Variants in PEAK1 observed in about 807,000 individuals in gnomAD.
PEAK1 encodes the protein inactive tyrosine-protein kinase PEAK1.
In PEAK1, 54 loss-of-function variants were observed where a neutral mutation model predicts 124.7. The ratio of observed to expected loss-of-function variants is 0.43; its 90% confidence interval spans 0.35 to 0.54. The LOEUF (loss-of-function observed/expected upper bound fraction) is 0.54, where lower values mean the gene tolerates loss of function less well. Ranked by LOEUF, PEAK1 falls within the 20% of genes least tolerant of loss-of-function variation. PEAK1 has a pLI of 0.01. For missense variants in PEAK1, 2,046 were observed against 2,134.5 expected, an observed-to-expected ratio of 0.96 and a Z score of 0.82; for synonymous variants, 719 against 760.0, an observed-to-expected ratio of 0.95 and a Z score of 0.89.
chr15:77,318,706 GAATA>G (rs1437682307), intron 2 of PEAK1, among the ~76,000 whole-genome samples: 2 of 151,552 alleles, frequency 1.3e-5, no homozygotes, highest in African/African-American at 2.4e-5. Context: ...TTATTAATTA[GAATA>G]AATACCTATT....
chr15:77,142,853 G>A (rs1482759956), intron 8 of PEAK1, among the ~76,000 whole-genome samples: 1 of 152,152 alleles, frequency 6.6e-6, no homozygotes, highest in Non-Finnish European at 1.5e-5. Flanking sequence ...GACAGTGACT[G>A]CTAATGGGTT....
chr15:77,118,969 G>A (rs2051644812), intron 9 of PEAK1, among the ~76,000 whole-genome samples: 1 of 82,262 alleles, frequency 1.2e-5, no homozygotes, highest in African/African-American at 3.3e-5. Flanking sequence ...CTGAGCCACA[G>A]TGACACTAGA....
chr15:77,327,650 ATTG>A (rs1381536798), intron 2 of PEAK1, among the ~76,000 whole-genome samples: 19 of 152,168 alleles, frequency 1.2e-4, no homozygotes, highest in Admixed American at 2.0e-4. Flanking sequence ...GTTATAGATC[ATTG>A]TTGTTGTTGT....
At chr15:77,118,154 C>T (rs1254098534) in intron 9 of PEAK1, among the ~76,000 whole-genome samples, 1 of 152,116 alleles carries the variant, frequency 6.6e-6, no homozygotes, top group Non-Finnish European at 1.5e-5. Flanking sequence ...AATAATGAGT[C>T]ACTCTAGCTT....
chr15:77,157,493 T>G (rs963405975), intron 8 of PEAK1: 11 of 152,248 alleles, frequency 7.2e-5, no homozygotes, highest in Non-Finnish European at 1.3e-4. Context: ...CGAGTGAAGA[T>G]GATCAGAGAA....
chr15:77,251,239 G>A (rs1422239186), intron 6 of PEAK1, among the ~76,000 whole-genome samples: 3 of 152,102 alleles, frequency 2.0e-5, no homozygotes, highest in Admixed American at 6.5e-5. Flanking sequence ...TCTGGTCTAG[G>A]ACTAAGAGGA....
intron 1 of PEAK1, among the ~76,000 whole-genome samples, chr15:77,381,967 T>C (rs2069520621): frequency 6.6e-6 from 1 of 152,242 alleles, no homozygotes; most frequent in Admixed American, 6.5e-5. Context: ...GTCAGGGTTC[T>C]AAGATAACCT....
At chr15:77,225,058 T>C (rs1040036355) in intron 6 of PEAK1, among the ~76,000 whole-genome samples, 2 of 152,034 alleles carry the variant, frequency 1.3e-5, no homozygotes, top group Non-Finnish European at 2.9e-5. Flanking sequence ...GCTCCCTATT[T>C]TTCAGCATAT....
chr15:77,219,826 T>G (rs2059306560), intron 6 of PEAK1, among the ~76,000 whole-genome samples: 1 of 152,178 alleles, frequency 6.6e-6, no homozygotes, highest in African/African-American at 2.4e-5. Context: ...CAAAACACAC[T>G]TTTTAACTAA....
chr15:77,196,092 C>A (rs1003314255), intron 6 of PEAK1, among the ~76,000 whole-genome samples: 2 of 152,192 alleles, frequency 1.3e-5, no homozygotes, highest in African/African-American at 2.4e-5. Flanking sequence ...AAGAGAAGAT[C>A]TTACAGACTC....
chr15:77,352,428 G>C, intron 2 of PEAK1: 1 of 985,214 alleles, frequency 1.0e-6, no homozygotes, highest in Non-Finnish European at 1.2e-6. Flanking sequence ...TCAGATACAC[G>C]CACCACTAGG....
At chr15:77,155,172 T>C (rs2055012493) in intron 8 of PEAK1, 3 of 152,238 alleles carry the variant, frequency 2.0e-5, no homozygotes, top group Admixed American at 1.3e-4. Context: ...TCTTGGAGGC[T>C]TTGTTCATTT....
intron 6 of PEAK1, among the ~76,000 whole-genome samples, chr15:77,183,745 G>T (rs1052523669): frequency 1.6e-4 from 24 of 151,880 alleles, no homozygotes; most frequent in African/African-American, 5.3e-4. Flanking sequence ...AATATATAAA[G>T]AACTTTCAAA....
In PEAK1 at chr15:77,419,523, G is replaced by A. The variant is rs769902212; in HGVS notation, c.-666+483C>T. ...CACCCGGCTCCGTCCCGACGCTGCC[G>A]GCGAGGCTGCGCCGATGCTCCCGGG... On this transcript the variant is annotated intron_variant, in intron 1 of 9. Transcript: ENST00000682557. 229 of 985,098 alleles carry A rather than the reference G, an allele frequency of 2.3e-4. 1 individual carries two copies. The highest frequency in any genetic ancestry group is 2.7e-4 in the Non-Finnish European group (224 of 829,846). 61.0% of individuals were successfully genotyped at this position (985,098 alleles called of 1,614,324 possible).
intron 2 of PEAK1, among the ~76,000 whole-genome samples, chr15:77,304,442 A>ATTTTTTT (rs71145812): frequency 2.5e-4 from 22 of 86,496 alleles, no homozygotes; most frequent in Non-Finnish European, 4.4e-4. Flanking sequence ...TCCTGTATAC[A>ATTTTTTT]TTTTTTTTTT....
At chr15:77,392,149 G>C (rs769208509) in intron 1 of PEAK1, among the ~76,000 whole-genome samples, 12 of 152,276 alleles carry the variant, frequency 7.9e-5, no homozygotes, top group African/African-American at 2.6e-4. Flanking sequence ...TTTAGCACCA[G>C]GCTTGTCACA....
chr15:77,370,178 T>C (rs1350121972), intron 1 of PEAK1, among the ~76,000 whole-genome samples: 2 of 152,234 alleles, frequency 1.3e-5, no homozygotes, highest in African/African-American at 4.8e-5. Flanking sequence ...TTTTGTCCTA[T>C]GGACCTTGGT....
chr15:77,223,886 A>ATTTT (rs10719377), intron 6 of PEAK1, among the ~76,000 whole-genome samples: 6 of 121,566 alleles, frequency 4.9e-5, no homozygotes, highest in Non-Finnish European at 1.0e-4. Context: ...CATTTGAGAG[A>ATTTT]TTTTTTTTTT....
intron 7 of PEAK1, among the ~76,000 whole-genome samples, chr15:77,163,414 C>A (rs1280253760): frequency 2.0e-5 from 3 of 152,172 alleles, no homozygotes; most frequent in Admixed American, 2.0e-4. Flanking sequence ...CATCAGTCTG[C>A]CATATTCATA....
Sources: allele counts gnomAD v4.1 joint callset (sites outside exome capture counted in the v4.1 genomes callset), GRCh38; gene constraint gnomAD v4.1.1; transcripts MANE v1.5; gene names NCBI Gene and HGNC (gene_info 2026-07-23, HGNC 2026-07-21).